Variants in SLC5A4 observed in about 807,000 individuals in gnomAD.
SLC5A4 encodes probable glucose sensor protein SLC5A4.
In SLC5A4, 55 loss-of-function variants were observed where a neutral mutation model predicts 70.3. The ratio of observed to expected loss-of-function variants is 0.78; its 90% CI spans 0.63 to 0.98. The LOEUF is 0.98. Ranked by LOEUF, SLC5A4 falls within the 50% of genes least tolerant of loss-of-function variation. SLC5A4 has a pLI of 0.00. For missense variants in SLC5A4, 735 were observed against 839.2 expected, an observed-to-expected ratio of 0.88 and a Z score of 1.53; for synonymous variants, 268 against 305.7, an observed-to-expected ratio of 0.88 and a Z score of 1.29.
At chr22:32,323,965 C>T in the SLC5A4 span, among the ~76,000 whole-genome samples, 3 of 152,016 alleles carry the variant, frequency 2.0e-5, no homozygotes, top group African/African-American at 4.8e-5. Context: ...AGAGGCCTCC[C>T]GATGGCTGCC....
the SLC5A4 span, among the ~76,000 whole-genome samples, chr22:32,323,601 A>G: frequency 2.0e-5 from 3 of 152,200 alleles, no homozygotes; most frequent in Non-Finnish European, 4.4e-5. Context: ...TAGGCTGGAA[A>G]AGGTTGGAAC....
At chr22:32,218,865 G>A (rs1296666369) in intron 14 of SLC5A4, 140 bp from the exon 15 acceptor site, 1 of 622,790 alleles carries the variant, frequency 1.6e-6, no homozygotes, top group South Asian at 2.3e-5. Context: ...AGAAAATGTA[G>A]ATAAATTTAA....
At chr22:32,255,414 G>T, upstream of SLC5A4, 1 of 1,471,526 alleles carries the variant, frequency 6.8e-7, no homozygotes. Context: ...GGCAGGTGGG[G>T]CGAGATATCA....
the SLC5A4 span, chr22:32,272,428 C>A: frequency 1.1e-6 from 1 of 874,266 alleles, no homozygotes. Context: ...CGACAGGCAG[C>A]TCTACATCCA....
chr22:32,349,808 C>T, the SLC5A4 span, among the ~76,000 whole-genome samples: 1 of 152,176 alleles, frequency 6.6e-6, no homozygotes, highest in South Asian at 2.1e-4. Flanking sequence ...GGCTTTCTGA[C>T]TTGTCCTATA....
the SLC5A4 span, chr22:32,270,787 G>A: frequency 8.2e-6 from 5 of 608,160 alleles, no homozygotes; most frequent in African/African-American, 5.5e-5. Context: ...CATGAGTGCC[G>A]ACGGCCGCGT....
rs1485823120 is a variant in SLC5A4 at position 32,234,956 on chromosome 22, C to G, written c.802G>C (p.Asp268His). The G allele has an allele frequency of 1.4e-5, 22 of 1,613,202 alleles. No homozygotes were observed. The highest frequency in any genetic ancestry group is 1.9e-5 in the Non-Finnish European group (22 of 1,180,010). Reference sequence around the variant, plus strand: ...CATGGAATGTCCCCAGTCACAGCATCTCGGAAGATGTGGAAGGAGTCCGCC... The same window carrying G: ...CATGGAATGTCCCCAGTCACAGCATGTCGGAAGATGTGGAAGGAGTCCGCC... ...PRADSFHIFR[D>H]AVTGDIPWPG... Residue 268 changes from aspartate (D) to histidine (H), a missense_variant, in exon 8 of 15, where the codon GAT (aspartate) becomes CAT (histidine). Asp to His is a moderately conservative substitution (Grantham distance 81). Coordinates refer to ENST00000266086, the MANE Select transcript of SLC5A4 (RefSeq NM_014227.3).
intron 5 of SLC5A4, among the ~76,000 whole-genome samples, chr22:32,246,057 G>A (rs114002639): frequency 0.021 from 3,271 of 152,248 alleles, 42 homozygotes; most frequent in African/African-American, 0.042. Context: ...GGGTGTGCAC[G>A]GCACATTTTC....
At chr22:32,328,875 C>G in the SLC5A4 span, among the ~76,000 whole-genome samples, 1 of 152,228 alleles carries the variant, frequency 6.6e-6, no homozygotes, top group Non-Finnish European at 1.5e-5. Context: ...ACTCTACCCT[C>G]AGGGAACGAG....
chr22:32,248,595 T>G, intron 4 of SLC5A4, 148 bp downstream of exon 4: 1 of 647,162 alleles, frequency 1.5e-6, no homozygotes, highest in Non-Finnish European at 2.8e-6. Context: ...GGAAGATGGA[T>G]TTGAGACTGA....
the SLC5A4 span, among the ~76,000 whole-genome samples, chr22:32,311,483 C>G: frequency 3.9e-5 from 6 of 152,214 alleles, no homozygotes; most frequent in African/African-American, 1.2e-4. Context: ...TGCCATCCAT[C>G]TCATAGGTGC....
At chr22:32,286,075 T>C in the SLC5A4 span, among the ~76,000 whole-genome samples, 1 of 152,024 alleles carries the variant, frequency 6.6e-6, no homozygotes, top group Non-Finnish European at 1.5e-5. Context: ...TCCAATTTTA[T>C]TTTTTTTACT....
the SLC5A4 span, among the ~76,000 whole-genome samples, chr22:32,332,078 G>A: frequency 6.6e-6 from 1 of 151,642 alleles, no homozygotes; most frequent in Non-Finnish European, 1.5e-5. Flanking sequence ...ACTCCCTGGT[G>A]CCGGCCCCTC....
chr22:32,239,518 T>TTATATATA (rs1173210993), intron 5 of SLC5A4, among the ~76,000 whole-genome samples: 27 of 25,116 alleles, frequency 1.1e-3, no homozygotes, highest in South Asian at 1.4e-3. Flanking sequence ...GGAGTGCATA[T>TTATATATA]TATATATATA....
At chr22:32,263,353 T>C in the SLC5A4 span, among the ~76,000 whole-genome samples, 5 of 152,254 alleles carry the variant, frequency 3.3e-5, no homozygotes, top group African/African-American at 4.8e-5. Flanking sequence ...TATAAACATT[T>C]GTATGCCAAC....
chr22:32,277,465 G>C, the SLC5A4 span, among the ~76,000 whole-genome samples: 3 of 152,272 alleles, frequency 2.0e-5, no homozygotes, highest in South Asian at 6.2e-4. Flanking sequence ...AATAAAGGGG[G>C]AAAACTGTGA....
At position 32,247,434 on chromosome 22, in the gene SLC5A4, T is replaced by G; in HGVS notation, c.454A>C (p.Ile152Leu). Residue 152 changes from isoleucine to leucine, a missense_variant, in exon 5 of 15, where the codon ATC becomes CTC. Ile to Leu is a conservative substitution (Grantham distance 5, BLOSUM62 2). Coordinates refer to ENST00000266086, the MANE Select transcript of SLC5A4 (RefSeq NM_014227.3). ...ACAGAAATTAACAAAACCACACAGA[T>G]GAAGAGGGAGAGGATGGAGAGGTAG... The part of the protein sequence containing the change: ...QVYLSILSLF[I>L]CVVLLISADI... The G allele has an allele frequency of 6.2e-7, 1 of 1,613,034 alleles. No individual in the cohort carries two copies. The highest frequency in any genetic ancestry group is 8.5e-7 in the Non-Finnish European group (1 of 1,179,010).
chr22:32,291,471 C>T, the SLC5A4 span, among the ~76,000 whole-genome samples: 9 of 152,144 alleles, frequency 5.9e-5, no homozygotes, highest in African/African-American at 1.4e-4. Context: ...GGCACTGCGC[C>T]GGGGTCAACT....
the SLC5A4 span, among the ~76,000 whole-genome samples, chr22:32,326,337 A>C: frequency 6.6e-6 from 1 of 150,904 alleles, no homozygotes; most frequent in Non-Finnish European, 1.5e-5. Context: ...GCTCACTGCA[A>C]TCTCTGCCAC....
Sources: gnomAD v4.1 joint callset for allele counts (sites outside exome capture counted in the v4.1 genomes callset) on GRCh38, gnomAD v4.1.1 for gene constraint, MANE v1.5 for transcripts, NCBI Gene and HGNC (gene_info 2026-07-23, HGNC 2026-07-21) for gene names.